CCDC141: variants seen among roughly 807,000 people sequenced by gnomAD.
CCDC141 encodes coiled-coil domain containing 141.
In CCDC141, 168 loss-of-function variants were observed where a neutral mutation model predicts 181.0. The ratio of observed to expected loss-of-function variants is 0.93; its 90% CI spans 0.82 to 1.05. The LOEUF (loss-of-function observed/expected upper bound fraction) is 1.05. Among genes scored for constraint, CCDC141 ranks in the 50% least tolerant of loss-of-function variants. CCDC141 has a pLI of 0.00. For missense variants in CCDC141, 1,902 were observed against 1,788.5 expected (o/e 1.06, Z -1.14); for synonymous variants, 666 against 642.3 (o/e 1.04, Z -0.56).
At chr2:179,016,202 G>A (rs1369956770) in intron 2 of CCDC141, among the ~76,000 whole-genome samples, 2 of 138,264 alleles carry the variant, frequency 1.4e-5, no homozygotes, top group Non-Finnish European at 3.1e-5. Flanking sequence ...GGGGGGAAGA[G>A]TGAGGGGGGT....
In CCDC141 at chr2:178,918,703, T is replaced by A. The variant is rs910105864; in HGVS notation, c.1092+10A>T. 11 of 1,547,986 alleles carry A rather than the reference T, an allele frequency of 7.1e-6. No homozygotes were observed. Among genetic ancestry groups the A allele is most frequent in the Middle Eastern group, 3.3e-4 (2 of 6,004 alleles). ...ATTACCGAAAATTATCAACTTGACC[T>A]CACACTGACCTTGTTAGCACTGTTA... On this transcript the variant is annotated intron_variant, in intron 7 of 23. Transcript: ENST00000443758.
intron 19 of CCDC141, among the ~76,000 whole-genome samples, chr2:178,853,928 G>C (rs1219459534): frequency 6.6e-6 from 1 of 152,110 alleles, no homozygotes; most frequent in Non-Finnish European, 1.5e-5. Context: ...TTCCTAAGAG[G>C]AATGTTGCAG....
chr2:179,039,695 CATTAAAT>C (rs148532132), intron 2 of CCDC141, among the ~76,000 whole-genome samples: 6,239 of 152,186 alleles, frequency 0.041, 126 homozygotes, highest in African/African-American at 0.051. Flanking sequence ...CTGGAATAAA[CATTAAAT>C]ATTAAGTATT....
chr2:179,046,534 G>C (rs2043503413), intron 2 of CCDC141, among the ~76,000 whole-genome samples: 1 of 152,226 alleles, frequency 6.6e-6, no homozygotes, highest in Non-Finnish European at 1.5e-5. Context: ...CATGTCCTTT[G>C]CACTGAGTCA....
At chr2:179,032,527 G>T (rs78955170) in intron 2 of CCDC141, among the ~76,000 whole-genome samples, 1 of 152,224 alleles carries the variant, frequency 6.6e-6, no homozygotes, top group South Asian at 2.1e-4. Context: ...CATCTGGTAC[G>T]TATATCAGGG....
At chr2:178,828,992 AG>A (rs1684169615), downstream of CCDC141, among the ~76,000 whole-genome samples, 1 of 152,178 alleles carries the variant, frequency 6.6e-6, no homozygotes, top group Non-Finnish European at 1.5e-5. Context: ...CTAGTTCTGG[AG>A]CTGCTATTTT....
chr2:178,862,544 T>G (rs1248176604), intron 17 of CCDC141, among the ~76,000 whole-genome samples: 1 of 152,222 alleles, frequency 6.6e-6, no homozygotes, highest in Non-Finnish European at 1.5e-5. Flanking sequence ...CTGTGCTTTG[T>G]GTATGAACAA....
intron 20 of CCDC141, among the ~76,000 whole-genome samples, chr2:178,852,129 G>A (rs55807016): frequency 0.11 from 16,461 of 152,162 alleles, 1,669 homozygotes; most frequent in East Asian, 0.57. Context: ...CTCTGGTAAG[G>A]AAAGTCAGGC....
At chr2:179,049,706 G>A (rs340335) in intron 1 of CCDC141, 134 bp downstream of exon 1, 1 of 804,774 alleles carries the variant, frequency 1.2e-6, no homozygotes, top group East Asian at 3.0e-5. Flanking sequence ...GCCCATTTTA[G>A]AAAGCAGTAA....
At chr2:178,981,655 T>TATATATATATATATATATATATATAC (rs1363397709) in intron 2 of CCDC141, among the ~76,000 whole-genome samples, 33 of 136,386 alleles carry the variant, frequency 2.4e-4, no homozygotes, top group African/African-American at 7.5e-4. Flanking sequence ...TATATATATA[T>TATATATATATATATATATATATATAC]ATACATACAT....
At chr2:178,880,164 C>G (rs1440193750) in intron 11 of CCDC141, among the ~76,000 whole-genome samples, 1 of 152,176 alleles carries the variant, frequency 6.6e-6, no homozygotes, top group Non-Finnish European at 1.5e-5. Flanking sequence ...ATTCATCCTT[C>G]TTTTCCAACT....
rs1475375886 is a variant in CCDC141 at position 179,015,127 on chromosome 2, A to G, written c.225+32157T>C. ...ATAATATATATATAATCATATATAT[A>G]TATCATATCATATATATCAATATAT... On this transcript the variant is annotated intron_variant, in intron 2 of 23. Transcript: ENST00000443758. Among the ~76,000 whole-genome samples, 80 of 103,968 alleles carry G rather than the reference A, an allele frequency of 7.7e-4. 4 individuals carry two copies. The highest frequency in any genetic ancestry group is 2.6e-3 in the African/African-American group (77 of 29,426). The allele number at this position is 103,968 out of a possible 152,430, so 68.2% of individuals were successfully genotyped here.
chr2:178,910,210 G>A (rs1688161415), intron 7 of CCDC141, among the ~76,000 whole-genome samples: 1 of 152,136 alleles, frequency 6.6e-6, no homozygotes, highest in Admixed American at 6.6e-5. Context: ...TCTGCAAGAC[G>A]AATTCAAACA....
At position 178,898,107 on chromosome 2, in the gene CCDC141, T is replaced by G. The variant is rs1376554847; in HGVS notation, c.1265+7222A>C. 2.0e-5 allele frequency among the ~76,000 whole-genome samples: 3 copies of G among 152,300 alleles called. No homozygotes were observed. The East Asian group carries it at 5.8e-4, about 29-fold the overall frequency. On this transcript the variant is annotated intron_variant, in intron 8 of 23. Coordinates refer to ENST00000443758, the MANE Select transcript of CCDC141 (RefSeq NM_173648.4). ...AGGCTTGGTTCTCAATGAGGTGGTGTTGGGAGGTGGTGTCTTCAAGAGGTA... is the reference window on the plus strand; with the variant it reads ...AGGCTTGGTTCTCAATGAGGTGGTGGTGGGAGGTGGTGTCTTCAAGAGGTA...
intron 2 of CCDC141, 124 bp from the exon 3 acceptor site, chr2:178,978,799 A>C: frequency 2.8e-6 from 2 of 713,588 alleles, no homozygotes; most frequent in Non-Finnish European, 2.1e-6. Flanking sequence ...TATAAACACA[A>C]ACTGTTATGC....
intron 6 of CCDC141, among the ~76,000 whole-genome samples, chr2:178,924,153 A>G (rs1407619601): frequency 6.6e-6 from 1 of 152,244 alleles, no homozygotes; most frequent in Non-Finnish European, 1.5e-5. Context: ...ACTTCAGAAT[A>G]TAAGTTTTAA....
intron 2 of CCDC141, among the ~76,000 whole-genome samples, chr2:179,004,294 C>A (rs2042063428): frequency 1.3e-5 from 2 of 152,100 alleles, no homozygotes; most frequent in South Asian, 4.2e-4. Flanking sequence ...TATGTGAGAG[C>A]AAACATATGT....
chr2:178,949,097 A>G (rs1490070721), intron 5 of CCDC141, among the ~76,000 whole-genome samples: 1 of 152,132 alleles, frequency 6.6e-6, no homozygotes, highest in Non-Finnish European at 1.5e-5. Context: ...ATCACTGAAG[A>G]TGCATGCGGA....
intron 2 of CCDC141, among the ~76,000 whole-genome samples, chr2:179,030,027 C>G (rs978651498): frequency 5.3e-5 from 8 of 152,042 alleles, no homozygotes; most frequent in Non-Finnish European, 1.0e-4. Context: ...ATGATTCTCT[C>G]TTCTCTAAGC....
Sources: gnomAD v4.1 joint callset for allele counts (sites outside exome capture counted in the v4.1 genomes callset) on GRCh38, gnomAD v4.1.1 for gene constraint, MANE v1.5 for transcripts, NCBI Gene and HGNC (gene_info 2026-07-23, HGNC 2026-07-21) for gene names.